PIK3CB: variants seen among roughly 807,000 people sequenced by gnomAD.
PIK3CB encodes the protein phosphatidylinositol-4,5-bisphosphate 3-kinase catalytic subunit beta, also known as phosphatidylinositol 4,5-bisphosphate 3-kinase catalytic subunit beta isoform.
In PIK3CB, 39 loss-of-function variants were observed where a neutral mutation model predicts 136.8. The ratio of observed to expected loss-of-function variants is 0.29; its 90% CI spans 0.22 to 0.37. The LOEUF is 0.37. Ranked by LOEUF, PIK3CB falls within the 10% of genes least tolerant of loss-of-function variation. The pLI is 1.00. For missense variants in PIK3CB, 868 were observed against 1,275.4 expected, an observed-to-expected ratio of 0.68 and a Z score of 4.87; for synonymous variants, 428 against 436.6, an observed-to-expected ratio of 0.98 and a Z score of 0.25.
At chr3:138,756,022 C>T in intron 3 of PIK3CB, 43 bp from the exon 4 acceptor site, 5 of 1,072,672 alleles carry the variant, frequency 4.7e-6, no homozygotes, top group Non-Finnish European at 7.2e-6. Flanking sequence ...GAAACACTTG[C>T]TCAAGTGTAC....
intron 4 of PIK3CB, among the ~76,000 whole-genome samples, chr3:138,753,398 G>A (rs1302740651): frequency 6.6e-6 from 1 of 152,012 alleles, no homozygotes; most frequent in Admixed American, 6.6e-5. Context: ...GCAGGTGCCT[G>A]TAATCCCAGC....
chr3:138,705,668 T>C (rs1559829202), intron 11 of PIK3CB, among the ~76,000 whole-genome samples: 1 of 152,218 alleles, frequency 6.6e-6, no homozygotes, highest in African/African-American at 2.4e-5. Context: ...ATCTTAAGTA[T>C]TTATAAAGTA....
intron 16 of PIK3CB, among the ~76,000 whole-genome samples, chr3:138,687,243 A>C (rs1205823284): frequency 6.7e-6 from 1 of 149,204 alleles, no homozygotes; most frequent in African/African-American, 2.5e-5. Context: ...AAAAAAAAAA[A>C]CAGGAGTTAG....
chr3:138,792,932 C>A (rs1323283519), intron 2 of PIK3CB, among the ~76,000 whole-genome samples: 1 of 152,126 alleles, frequency 6.6e-6, no homozygotes, highest in Non-Finnish European at 1.5e-5. Context: ...TGTGTGCCAC[C>A]ACACCCAGCT....
At chr3:138,740,720 T>C (rs1392298376) in intron 5 of PIK3CB, among the ~76,000 whole-genome samples, 1 of 152,120 alleles carries the variant, frequency 6.6e-6, no homozygotes, top group Non-Finnish European at 1.5e-5. Flanking sequence ...TGGCGCAATC[T>C]GGGCTCGCTG....
intron 2 of PIK3CB, among the ~76,000 whole-genome samples, chr3:138,769,447 C>T (rs549076231): frequency 1.3e-5 from 2 of 152,086 alleles, no homozygotes; most frequent in Non-Finnish European, 2.9e-5. Context: ...GGAATGTAAA[C>T]CCAGTATAAC....
chr3:138,817,271 G>A (rs1470491018), intron 1 of PIK3CB, among the ~76,000 whole-genome samples: 6 of 152,246 alleles, frequency 3.9e-5, no homozygotes, highest in East Asian at 1.9e-4. Flanking sequence ...CCCGGGGGGC[G>A]GAGCCTGCAG....
chr3:138,726,664 T>C (rs1276777597), intron 8 of PIK3CB, among the ~76,000 whole-genome samples: 1 of 152,174 alleles, frequency 6.6e-6, no homozygotes, highest in Non-Finnish European at 1.5e-5. Context: ...CAGCTATAAA[T>C]AATGTCATCT....
At chr3:138,774,529 C>T (rs933686097) in intron 2 of PIK3CB, among the ~76,000 whole-genome samples, 8 of 152,196 alleles carry the variant, frequency 5.3e-5, no homozygotes, top group African/African-American at 1.4e-4. Context: ...TGAATGTCAA[C>T]AAATCTTCCT....
chr3:138,671,157 C>T (rs886616855), intron 19 of PIK3CB, among the ~76,000 whole-genome samples: 4 of 152,064 alleles, frequency 2.6e-5, no homozygotes, highest in Non-Finnish European at 4.4e-5. Flanking sequence ...TTGTTTAAAA[C>T]CTCTAGCATT....
intron 8 of PIK3CB, among the ~76,000 whole-genome samples, chr3:138,724,749 C>A (rs762346338): frequency 6.6e-6 from 1 of 152,150 alleles, no homozygotes; most frequent in Non-Finnish European, 1.5e-5. Context: ...ATAATAGATG[C>A]TCCTATCACT....
Position 138,655,100 on chromosome 3 carries a change from C to T in PIK3CB, c.*289G>A. 1 of 358,322 alleles carries T rather than the reference C, an allele frequency of 2.8e-6. No individual in the cohort carries two copies. The highest frequency in any genetic ancestry group is 5.1e-6 in the Non-Finnish European group (1 of 197,490). The allele number at this position is 358,322 out of a possible 1,614,324, so 22.2% of individuals were successfully genotyped here. On this transcript the variant is annotated 3_prime_UTR_variant, in exon 24 of 24. Transcript: ENST00000674063. ...AGTACCAAATATTAGAAAAAACAAACAAAAACGGAAACAATCCCTAGTAGC... is the reference window on the plus strand; with the variant it reads ...AGTACCAAATATTAGAAAAAACAAATAAAAACGGAAACAATCCCTAGTAGC...
In PIK3CB at chr3:138,694,817, C is replaced by CTG; in HGVS notation, c.1860_1861insCA (p.Glu621GlnfsTer5). On this transcript the variant is annotated frameshift_variant, in exon 14 of 24. Coordinates refer to ENST00000674063, the MANE Select transcript of PIK3CB (RefSeq NM_006219.3). LOFTEE classifies it high-confidence loss of function. ...TGTCGCAGGCAGCCTACAGCATATT[C>CTG]TCGAACGTACTGGTCTGGATAGTTG... is the stretch of plus-strand genomic sequence containing the variant. 1.9e-6 allele frequency: 3 copies of CTG among 1,613,326 alleles called. No individual in the cohort carries two copies. Among genetic ancestry groups the CTG allele is most frequent in the Non-Finnish European group, 2.5e-6 (3 of 1,179,662 alleles).
intron 21 of PIK3CB, 27 bp from the exon 22 acceptor site, chr3:138,657,862 C>G: frequency 6.3e-7 from 1 of 1,598,536 alleles, no homozygotes; most frequent in Non-Finnish European, 8.5e-7. Context: ...ATTTAATTTC[C>G]TTCATTTTTC....
At chr3:138,814,135 A>T (rs1435548853) in intron 1 of PIK3CB, among the ~76,000 whole-genome samples, 1 of 152,168 alleles carries the variant, frequency 6.6e-6, no homozygotes, top group Non-Finnish European at 1.5e-5. Flanking sequence ...CCAAGATCAC[A>T]TGACTAATAA....
intron 1 of PIK3CB, among the ~76,000 whole-genome samples, chr3:138,829,462 T>C (rs535974639): frequency 2.6e-5 from 4 of 152,140 alleles, no homozygotes; most frequent in African/African-American, 9.6e-5. Context: ...GAAATGAAAA[T>C]AAACATATGT....
intron 1 of PIK3CB, among the ~76,000 whole-genome samples, chr3:138,810,954 G>A (rs948490859): frequency 2.6e-5 from 4 of 151,300 alleles, no homozygotes; most frequent in African/African-American, 7.3e-5. Context: ...TCGGCCGGGC[G>A]CGGTGGCTCA....
chr3:138,748,210 A>C (rs1305210113), intron 4 of PIK3CB, among the ~76,000 whole-genome samples: 1 of 150,634 alleles, frequency 6.6e-6, no homozygotes, highest in Admixed American at 6.7e-5. Context: ...CTTAGACCTC[A>C]CAATTTTATC....
intron 14 of PIK3CB, among the ~76,000 whole-genome samples, chr3:138,693,972 A>AT (rs1229347390): frequency 5.9e-5 from 5 of 84,916 alleles, no homozygotes; most frequent in Non-Finnish European, 1.2e-4. Flanking sequence ...TATATTATAT[A>AT]TATATATATA....
Sources: allele counts gnomAD v4.1 joint callset (sites outside exome capture counted in the v4.1 genomes callset), GRCh38; gene constraint gnomAD v4.1.1; transcripts MANE v1.5; gene names NCBI Gene and HGNC (gene_info 2026-07-23, HGNC 2026-07-21).